Variants in ASTN2 observed in about 807,000 individuals in gnomAD.
ASTN2 encodes the protein astrotactin 2.
ASTN2 carries 54 observed loss-of-function variants against 139.8 expected under a neutral mutation model. The observed-to-expected ratio is 0.39, with a 90% confidence interval of 0.31 to 0.48. ASTN2 has a LOEUF of 0.48. Ranked by LOEUF, ASTN2 falls within the 20% of genes least tolerant of loss-of-function variation. The pLI, the probability that ASTN2 is intolerant of heterozygous loss-of-function variation, is 0.95. For synonymous variants in ASTN2, 756 were observed against 719.5 expected (o/e 1.05, Z -0.81); for missense variants, 1,565 against 1,725.1 (o/e 0.91, Z 1.64).
chr9:116,708,408 C>T (rs1828051073), intron 16 of ASTN2, among the ~76,000 whole-genome samples: 1 of 152,198 alleles, frequency 6.6e-6, no homozygotes. Context: ...CACAATTTGC[C>T]TTCACCATCA....
At chr9:116,479,553 T>C (rs1025827227) in intron 20 of ASTN2, among the ~76,000 whole-genome samples, 22 of 152,140 alleles carry the variant, frequency 1.4e-4, no homozygotes, top group Admixed American at 6.5e-4. Flanking sequence ...CTGACAGTGC[T>C]GGGAAACAGC....
intron 12 of ASTN2, among the ~76,000 whole-genome samples, chr9:116,808,554 C>A (rs148487059): frequency 9.2e-5 from 14 of 152,216 alleles, no homozygotes; most frequent in Non-Finnish European, 1.8e-4. Flanking sequence ...TACCATAATG[C>A]TTTTAACTAA....
chr9:117,307,998 G>A (rs1323156136), intron 1 of ASTN2, among the ~76,000 whole-genome samples: 1 of 152,118 alleles, frequency 6.6e-6, no homozygotes, highest in Non-Finnish European at 1.5e-5. Flanking sequence ...AATCCTTTCT[G>A]ATTTTGTTAT....
At chr9:116,558,094 G>C (rs1285526786) in intron 19 of ASTN2, among the ~76,000 whole-genome samples, 1 of 152,034 alleles carries the variant, frequency 6.6e-6, no homozygotes, top group Non-Finnish European at 1.5e-5. Context: ...CTATATCATG[G>C]GTGCTGAGAT....
intron 16 of ASTN2, among the ~76,000 whole-genome samples, chr9:116,668,010 C>T (rs180906224): frequency 1.2e-4 from 18 of 152,150 alleles, no homozygotes; most frequent in African/African-American, 4.1e-4. Context: ...ATGTATCTAC[C>T]ACTGTAGTAC....
At chr9:116,674,467 C>G (rs889978769) in intron 16 of ASTN2, among the ~76,000 whole-genome samples, 2 of 152,184 alleles carry the variant, frequency 1.3e-5, no homozygotes, top group African/African-American at 4.8e-5. Context: ...GTCGCCCTCC[C>G]CCGGAGAGAG....
intron 4 of ASTN2, among the ~76,000 whole-genome samples, chr9:117,138,474 A>G (rs922716146): frequency 7.9e-5 from 12 of 152,202 alleles, no homozygotes; most frequent in Non-Finnish European, 1.3e-4. Context: ...AGAGCAAATG[A>G]TGTTCGAAAA....
intron 5 of ASTN2, among the ~76,000 whole-genome samples, chr9:117,062,366 C>T (rs1034119535): frequency 6.6e-6 from 1 of 152,158 alleles, no homozygotes; most frequent in Non-Finnish European, 1.5e-5. Context: ...CCCCCAATAG[C>T]CCCTTAACCT....
chr9:117,364,856 T>C (rs1244456393), intron 1 of ASTN2, among the ~76,000 whole-genome samples: 1 of 151,902 alleles, frequency 6.6e-6, no homozygotes, highest in Non-Finnish European at 1.5e-5. Context: ...CTCATGCCTG[T>C]AATCCCAGCA....
intron 1 of ASTN2, among the ~76,000 whole-genome samples, chr9:117,320,947 G>A (rs1828306696): frequency 6.6e-6 from 1 of 152,194 alleles, no homozygotes; most frequent in African/African-American, 2.4e-5. Flanking sequence ...TGGGGTGATG[G>A]ACAGCCTGAT....
chr9:116,437,334 T>C (rs1588056731), intron 22 of ASTN2: 1 of 471,202 alleles, frequency 2.1e-6, no homozygotes, highest in Non-Finnish European at 4.4e-6. Context: ...AGGAGGCAGT[T>C]TCCTTGATTC....
intron 15 of ASTN2, among the ~76,000 whole-genome samples, chr9:116,726,203 C>T (rs913509965): frequency 3.9e-5 from 6 of 152,162 alleles, no homozygotes. Context: ...CTAAACTCAG[C>T]AACGTAGACC....
chr9:116,941,682 A>T (rs1238361116), intron 10 of ASTN2, among the ~76,000 whole-genome samples: 2 of 152,152 alleles, frequency 1.3e-5, no homozygotes, highest in Non-Finnish European at 2.9e-5. Context: ...TATAGTTGAC[A>T]TATAAAATTA....
At chr9:116,659,769 C>G (rs1858444529) in intron 16 of ASTN2, among the ~76,000 whole-genome samples, 1 of 152,108 alleles carries the variant, frequency 6.6e-6, no homozygotes, top group African/African-American at 2.4e-5. Flanking sequence ...GGTCAGAAAT[C>G]CCATCTAATT....
At chr9:117,204,150 C>T (rs950622950) in intron 3 of ASTN2, among the ~76,000 whole-genome samples, 6 of 152,300 alleles carry the variant, frequency 3.9e-5, no homozygotes, top group East Asian at 3.9e-4. Context: ...CTGCCATTGC[C>T]GGTGTGTTGG....
Position 116,999,998 on chromosome 9 carries a change from T to G in ASTN2, c.1591+8094A>C, listed in dbSNP as rs1003946760. Among the ~76,000 whole-genome samples, 10 of 152,350 alleles carry G rather than the reference T, an allele frequency of 6.6e-5. No individual in the cohort carries two copies. The East Asian group carries it at 1.7e-3, about 26-fold the overall frequency. On this transcript the variant is annotated intron_variant, in intron 7 of 22. Transcript: ENST00000313400. Reference sequence around the variant, plus strand: ...CTGGTTAGCAGAGATGATATCATATTTTCTTCTCACATAATCTAATGTTAT... The same window carrying G: ...CTGGTTAGCAGAGATGATATCATATGTTCTTCTCACATAATCTAATGTTAT...
chr9:117,101,063 T>C (rs1321783389), intron 4 of ASTN2, among the ~76,000 whole-genome samples: 3 of 152,222 alleles, frequency 2.0e-5, no homozygotes, highest in Admixed American at 6.5e-5. Flanking sequence ...GTAAACATTC[T>C]GCACAAAGAC....
At chr9:116,783,162 G>C (rs932009983) in intron 13 of ASTN2, among the ~76,000 whole-genome samples, 2 of 152,248 alleles carry the variant, frequency 1.3e-5, no homozygotes, top group East Asian at 3.9e-4. Context: ...TCGAACAGTG[G>C]TTAAAATTTT....
chr9:117,137,734 T>G (rs1007149946), intron 4 of ASTN2, among the ~76,000 whole-genome samples: 1 of 152,000 alleles, frequency 6.6e-6, no homozygotes, highest in East Asian at 1.9e-4. Flanking sequence ...ATCATGAAAT[T>G]CTTTTGTCCA....
Sources: gnomAD v4.1 joint callset for allele counts (sites outside exome capture counted in the v4.1 genomes callset) on GRCh38, gnomAD v4.1.1 for gene constraint, MANE v1.5 for transcripts, NCBI Gene and HGNC (gene_info 2026-07-23, HGNC 2026-07-21) for gene names.